ARK2N: variants seen among roughly 807,000 people sequenced by gnomAD.
ARK2N encodes arkadia (RNF111) N-terminal like PKA signaling regulator 2N.
the ARK2N span, among the ~76,000 whole-genome samples, chr18:46,202,615 C>G: frequency 2.6e-5 from 4 of 151,850 alleles, no homozygotes; most frequent in Non-Finnish European, 5.9e-5. Flanking sequence ...TAGCGAAACC[C>G]CGTCTCTACT....
chr18:46,201,998 G>T, the ARK2N span, among the ~76,000 whole-genome samples: 1 of 151,822 alleles, frequency 6.6e-6, no homozygotes, highest in African/African-American at 2.4e-5. Flanking sequence ...AGATGGTCTC[G>T]AACTCCTGAC....
the ARK2N span, among the ~76,000 whole-genome samples, chr18:46,247,401 G>A: frequency 2.0e-5 from 3 of 152,082 alleles, no homozygotes; most frequent in African/African-American, 7.2e-5. Context: ...AAATTAGAAC[G>A]ATGGTTATAG....
the ARK2N span, chr18:46,240,068 A>G: frequency 6.2e-7 from 1 of 1,614,194 alleles, no homozygotes; most frequent in South Asian, 1.1e-5. Context: ...GAAGTGGTAA[A>G]TGTGGACAAT....
At chr18:46,209,643 T>A in the ARK2N span, among the ~76,000 whole-genome samples, 3 of 152,232 alleles carry the variant, frequency 2.0e-5, no homozygotes, top group Non-Finnish European at 2.9e-5. Flanking sequence ...TCACTCAGGC[T>A]GGAGTGCAGT....
the ARK2N span, chr18:46,216,197 C>G: frequency 6.2e-7 from 1 of 1,613,946 alleles, no homozygotes; most frequent in Non-Finnish European, 8.5e-7. This position sits in a 1 kb window ranked among gnomAD's most constrained non-coding sequence, Gnocchi z 4.3. Context: ...CTGGCTGATT[C>G]AGATACGTTG....
the ARK2N span, among the ~76,000 whole-genome samples, chr18:46,188,525 T>C: frequency 2.0e-4 from 30 of 152,158 alleles, no homozygotes; most frequent in South Asian, 6.2e-3. Flanking sequence ...TTCTTATTTT[T>C]AGTAGGGACG....
chr18:46,223,675 T>C, the ARK2N span, among the ~76,000 whole-genome samples: 1 of 152,208 alleles, frequency 6.6e-6, no homozygotes, highest in African/African-American at 2.4e-5. Flanking sequence ...GTTGATGGTA[T>C]AAGGCTAAGA....
chr18:46,194,023 A>G, the ARK2N span, among the ~76,000 whole-genome samples: 1 of 152,038 alleles, frequency 6.6e-6, no homozygotes, highest in African/African-American at 2.4e-5. Flanking sequence ...TTCTTTTTTA[A>G]GAGACAGTGT....
chr18:46,235,733 A>G, the ARK2N span, among the ~76,000 whole-genome samples: 67 of 152,330 alleles, frequency 4.4e-4, no homozygotes, highest in South Asian at 9.3e-3. Context: ...TTAGGACTCA[A>G]ATTTTCATCT....
chr18:46,249,499 T>A, the ARK2N span, among the ~76,000 whole-genome samples: 1 of 152,184 alleles, frequency 6.6e-6, no homozygotes, highest in Non-Finnish European at 1.5e-5. Flanking sequence ...CCCAAAGTGC[T>A]GGGATTACAG....
the ARK2N span, among the ~76,000 whole-genome samples, chr18:46,198,494 C>A: frequency 1.6e-4 from 24 of 152,126 alleles, no homozygotes; most frequent in Admixed American, 1.5e-3. Flanking sequence ...CTACTTTTCA[C>A]AAGTAAGAAT....
the ARK2N span, among the ~76,000 whole-genome samples, chr18:46,192,883 C>CAAAA: frequency 7.2e-6 from 1 of 139,480 alleles, no homozygotes; most frequent in Admixed American, 7.1e-5. Context: ...GAGACTGTCT[C>CAAAA]AAAAAAAAAA....
At chr18:46,217,759 T>G in the ARK2N span, 28 of 152,294 alleles carry the variant, frequency 1.8e-4, no homozygotes, top group East Asian at 5.4e-3. Context: ...TCAAACGATC[T>G]TTAGAAATGC....
At chr18:46,262,904 CT>C in the ARK2N span, 1 of 1,607,492 alleles carries the variant, frequency 6.2e-7, no homozygotes, top group Non-Finnish European at 8.5e-7. Context: ...ATTAACCATG[CT>C]TTTGTTCTTC....
the ARK2N span, among the ~76,000 whole-genome samples, chr18:46,178,180 T>C: frequency 4.3e-3 from 657 of 152,280 alleles, 5 homozygotes; most frequent in African/African-American, 0.015. Context: ...AAGGAATGGA[T>C]AGGGCAGATG....
the ARK2N span, chr18:46,262,843 G>GTTGATAA: frequency 1.5e-6 from 2 of 1,350,260 alleles, no homozygotes; most frequent in Non-Finnish European, 2.1e-6. Flanking sequence ...TAGTAAAAAT[G>GTTGATAA]TTGATAAGTA....
chr18:46,228,106 T>A, the ARK2N span, among the ~76,000 whole-genome samples: 2 of 152,180 alleles, frequency 1.3e-5, no homozygotes, highest in Admixed American at 6.5e-5. Context: ...AGATTTTTTT[T>A]AAAATTAAGT....
the ARK2N span, among the ~76,000 whole-genome samples, chr18:46,176,376 T>C: frequency 1.3e-5 from 2 of 152,134 alleles, no homozygotes; most frequent in Non-Finnish European, 1.5e-5. Context: ...ACTGAGGATA[T>C]GGAAATAGCA....
At chr18:46,202,396 ATTTGTGTG>A in the ARK2N span, among the ~76,000 whole-genome samples, 1 of 152,324 alleles carries the variant, frequency 6.6e-6, no homozygotes, top group Non-Finnish European at 1.5e-5. Flanking sequence ...AAAGGCATTT[ATTTGTGTG>A]TAGTTAGCAT....
Sources: gnomAD v4.1 joint callset for allele counts (sites outside exome capture counted in the v4.1 genomes callset) on GRCh38, gnomAD v4.1.1 for gene constraint, Gnocchi (gnomAD v3.1) non-coding constraint, MANE v1.5 for transcripts, NCBI Gene and HGNC (gene_info 2026-07-23, HGNC 2026-07-21) for gene names.